MGAM: variants seen among roughly 807,000 people sequenced by gnomAD.
The protein encoded by MGAM is alpha-1,4-glucosidase.
Under a neutral mutation model 358.8 loss-of-function variants are expected in MGAM, and 253 were observed. The ratio of observed to expected loss-of-function variants is 0.71; its 90% CI spans 0.64 to 0.78. The LOEUF (loss-of-function observed/expected upper bound fraction) is 0.78, where lower values mean the gene tolerates loss of function less well. Ranked by LOEUF, MGAM falls within the 30% of genes least tolerant of loss-of-function variation. The pLI is 0.00. For synonymous variants in MGAM, 1,105 were observed against 1,227.1 expected, an observed-to-expected ratio of 0.90 and a Z score of 2.08; for missense variants, 3,080 against 3,432.6, an observed-to-expected ratio of 0.90 and a Z score of 2.57.
chr7:142,062,961 G>A (rs1179780387), intron 35 of MGAM, among the ~76,000 whole-genome samples: 1 of 152,174 alleles, frequency 6.6e-6, no homozygotes, highest in African/African-American at 2.4e-5. Flanking sequence ...CACTTTGGGA[G>A]GCTGAGGTGG....
chr7:142,083,748 AATG>A (rs1814523184), intron 53 of MGAM, among the ~76,000 whole-genome samples: 2 of 137,974 alleles, frequency 1.4e-5, no homozygotes, highest in African/African-American at 2.7e-5. Context: ...GAATGGTGAT[AATG>A]ATGGTGGTAG....
chr7:142,090,430 G>A (rs1316336366), intron 57 of MGAM, among the ~76,000 whole-genome samples: 1 of 145,674 alleles, frequency 6.9e-6, no homozygotes, highest in African/African-American at 2.4e-5. Flanking sequence ...CTCTTTGTCA[G>A]GTTTCCTAGC....
At chr7:142,050,623 G>C in intron 23 of MGAM, 74 bp from the exon 24 acceptor site, 1 of 1,454,902 alleles carries the variant, frequency 6.9e-7, no homozygotes, top group Middle Eastern at 1.8e-4. Flanking sequence ...GTCTGGAATG[G>C]AATATTTGAG....
chr7:141,998,715 A>G (rs1804482270), intron 1 of MGAM, among the ~76,000 whole-genome samples: 1 of 152,184 alleles, frequency 6.6e-6, no homozygotes, highest in East Asian at 1.9e-4. Flanking sequence ...TGCAGTAAAC[A>G]TACGTGTGCG....
In MGAM at chr7:142,065,834, A is replaced by G; in HGVS notation, c.4770+3A>G. ...ACCACAATACCATTGGGACCAGGGT[A>G]GGACAGTGGCTTCTACCTCCACTGT... On this transcript the variant is annotated splice_donor_region_variant and intron_variant, in intron 40 of 70. Coordinates refer to ENST00000475668, the MANE Select transcript of MGAM (RefSeq NM_001365693.1). The G allele has an allele frequency of 1.3e-6, 2 of 1,543,160 alleles. No homozygotes were observed. The highest frequency in any genetic ancestry group is 1.8e-6 in the Non-Finnish European group (2 of 1,121,516).
chr7:142,014,594 GTAT>G (rs765295505), intron 3 of MGAM, among the ~76,000 whole-genome samples: 27 of 151,980 alleles, frequency 1.8e-4, no homozygotes, highest in Admixed American at 3.3e-4. Flanking sequence ...TATCCCTTCT[GTAT>G]TATTACCTTT....
chr7:141,997,386 T>C (rs1263968088), intron 1 of MGAM, among the ~76,000 whole-genome samples: 1 of 152,168 alleles, frequency 6.6e-6, no homozygotes, highest in African/African-American at 2.4e-5. Flanking sequence ...AGTGGGACAC[T>C]AAATTTAAGA....
rs1444833248 is a variant in MGAM at position 142,054,757 on chromosome 7, T to A, written c.3163T>A (p.Tyr1055Asn). The change falls in exon 27 of 71, where the codon TAT becomes AAT. Residue 1055 changes from tyrosine (Y) to asparagine (N), a missense_variant. Coordinates refer to ENST00000475668, the MANE Select transcript of MGAM (RefSeq NM_001365693.1). Reference protein sequence around the residue: ...HKNEMLQFKIYDPNKNRYEVP... With the variant: ...HKNEMLQFKINDPNKNRYEVP... ...AAATTGATTTCCTCTGGCCTAGATTTATGATCCCAACAAGAATCGGTATGA... is the reference window on the plus strand; with the variant it reads ...AAATTGATTTCCTCTGGCCTAGATTAATGATCCCAACAAGAATCGGTATGA... The A allele has an allele frequency of 6.2e-7, 1 of 1,613,830 alleles. No individual in the cohort carries two copies. Among genetic ancestry groups the A allele is most frequent in the South Asian group, 1.1e-5 (1 of 91,062 alleles).
Position 142,088,747 on chromosome 7 carries a change from G to GTCTGTCTATCTA in MGAM, c.6810+2033_6810+2034insGTCTATCTATCT, listed in dbSNP as rs1311472109. ...TGTCTGTCTGTCTGTCTGTCTGTCT[G>GTCTGTCTATCTA]TCTATCTATCTATCTATCTATCTAT... On this transcript the variant is annotated intron_variant, in intron 57 of 70. Transcript: ENST00000475668. Among the ~76,000 whole-genome samples the GTCTGTCTATCTA allele has an allele frequency of 4.0e-4, 37 of 93,514 alleles. 2 individuals carry two copies. The highest frequency in any genetic ancestry group is 8.5e-4 in the East Asian group (3 of 3,542). The allele number at this position is 93,514 out of a possible 152,430, so 61.3% of individuals were successfully genotyped here.
Position 142,064,437 on chromosome 7 carries a change from C to T in MGAM, c.4399C>T (p.Gln1467Ter). Residue 1467 changes from glutamine (Q) to a stop codon, truncating the protein, a stop_gained, in exon 37 of 71, where the codon CAG (glutamine) becomes TAG (stop). Transcript: ENST00000475668. LOFTEE classifies it high-confidence loss of function. ...LSSKTLCMES[Q>*]QILPDGSLVQ... The stretch of plus-strand genomic sequence containing the variant: ...CAGCAAGACCCTTTGTATGGAGAGT[C>T]AGCAGATCCTCCCAGACGGCTCCCT... The T allele has an allele frequency of 6.2e-7, 1 of 1,605,726 alleles. No individual in the cohort carries two copies. Among genetic ancestry groups the T allele is most frequent in the Non-Finnish European group, 8.5e-7 (1 of 1,176,238 alleles).
intron 60 of MGAM, 55 bp downstream of exon 60, chr7:142,093,605 C>T (rs1815611389): frequency 4.8e-6 from 7 of 1,443,404 alleles, no homozygotes; most frequent in Non-Finnish European, 4.7e-6. Context: ...TTGCCAGTGA[C>T]TGACATAGCT....
chr7:142,018,021 A>G (rs1806107972), intron 3 of MGAM, among the ~76,000 whole-genome samples: 1 of 152,196 alleles, frequency 6.6e-6, no homozygotes, highest in African/African-American at 2.4e-5. Context: ...CTGTAAAATG[A>G]TCTGGTAGGA....
At chr7:142,067,965 A>AATATAT (rs1194685249) in intron 42 of MGAM, among the ~76,000 whole-genome samples, 3 of 30,112 alleles carry the variant, frequency 1.0e-4, no homozygotes, top group African/African-American at 3.3e-4. Flanking sequence ...TATATATATA[A>AATATAT]ATATATATAT....
rs146671003 is a variant in MGAM at position 142,055,618 on chromosome 7, C to T, written c.3375C>T (p.Arg1125=). The T allele has an allele frequency of 3.6e-4, 574 of 1,613,966 alleles. 2 individuals are homozygous for T. The Middle Eastern group carries it at 6.8e-3, about 19-fold the overall frequency. The change falls in exon 28 of 71, where the codon CGC becomes CGT. Residue 1125 remains arginine, a synonymous_variant. Transcript: ENST00000475668. ...ACATGTTTATCCGCATCTCCACCCG[C>T]CTTCCCTCCAAGTACCTCTATGGCT... ...FSDMFIRIST[R]LPSKYLYGFG...
chr7:142,008,505 G>GCCCCAGATCCTGGGACAACTGGTA lies in MGAM; in HGVS notation c.165_188dup (p.Pro60_Thr67dup), dbSNP rs782362810. On this transcript the variant is annotated inframe_insertion and splice_region_variant. Coordinates refer to ENST00000475668, the MANE Select transcript of MGAM (RefSeq NM_001365693.1). ...TCTTTTTATGTTTGCTTTTGGTATA[G>GCCCCAGATCCTGGGACAACTGGTA]CCCCAGATCCTGGGACAACTGGTAC... 67 of 1,607,302 alleles carry GCCCCAGATCCTGGGACAACTGGTA rather than the reference G, an allele frequency of 4.2e-5. No homozygotes were observed. Among genetic ancestry groups the GCCCCAGATCCTGGGACAACTGGTA allele is most frequent in the Middle Eastern group, 3.3e-4 (2 of 6,014 alleles).
intron 2 of MGAM, among the ~76,000 whole-genome samples, chr7:142,006,207 T>C (rs1206864544): frequency 6.6e-6 from 1 of 152,064 alleles, no homozygotes; most frequent in Non-Finnish European, 1.5e-5. Flanking sequence ...AAAAAATGAA[T>C]GCCCTTTATA....
intron 1 of MGAM, chr7:142,004,596 G>A (rs1409266484): frequency 6.6e-6 from 1 of 151,872 alleles, no homozygotes; most frequent in African/African-American, 2.4e-5. Context: ...ACACTATTTG[G>A]GTGATTGGTA....
At chr7:142,060,869 C>T (rs1242471269) in intron 34 of MGAM, among the ~76,000 whole-genome samples, 1 of 151,976 alleles carries the variant, frequency 6.6e-6, no homozygotes, top group Non-Finnish European at 1.5e-5. Context: ...CTTACGAGTC[C>T]TGCCCCGAGC....
chr7:142,062,715 G>A lies in MGAM; in HGVS notation c.4257+13G>A. 6.2e-7 allele frequency: 1 copy of A among 1,611,370 alleles called. No homozygotes were observed. Among genetic ancestry groups the A allele is most frequent in the Non-Finnish European group, 8.5e-7 (1 of 1,178,784 alleles). On this transcript the variant is annotated intron_variant, in intron 35 of 70. Transcript: ENST00000475668. The stretch of plus-strand genomic sequence containing the variant: ...TGGCATGTGGATTGTAAGTGTGTGT[G>A]TGTCTCTGTGTACCAGTGGCTCTTG...
Sources: gnomAD v4.1 joint callset for allele counts (sites outside exome capture counted in the v4.1 genomes callset) on GRCh38, gnomAD v4.1.1 for gene constraint, MANE v1.5 for transcripts, NCBI Gene and HGNC (gene_info 2026-07-23, HGNC 2026-07-21) for gene names.